Variants in MEIS1 observed in about 807,000 individuals in gnomAD.
MEIS1 encodes homeobox protein Meis1.
MEIS1 carries 5 observed loss-of-function variants against 50.8 expected under a neutral mutation model. The observed-to-expected ratio is 0.10, with a 90% CI of 0.05 to 0.21. The LOEUF (loss-of-function observed/expected upper bound fraction) is 0.21. Among genes scored for constraint, MEIS1 ranks in the 10% least tolerant of loss-of-function variants. The probability of loss-of-function intolerance (pLI) is 1.00; values close to 1 mark genes in which losing one functional copy is unlikely to be tolerated. For missense variants in MEIS1, 318 were observed against 517.3 expected, an observed-to-expected ratio of 0.61 and a Z score of 3.74; for synonymous variants, 176 against 179.3, an observed-to-expected ratio of 0.98 and a Z score of 0.15.
rs746453988 is a variant in MEIS1 at position 66,464,081 on chromosome 2, T to C, written c.631-28T>C. ...AATAAGGGTTCACAGATGCCTCTTA[T>C]TTGGGTTTCTGATTTGTGCCCCCAC... is the stretch of plus-strand genomic sequence containing the variant. On this transcript the variant is annotated intron_variant, in intron 6 of 12. Coordinates refer to ENST00000272369, the MANE Select transcript of MEIS1 (RefSeq NM_002398.3). The C allele has an allele frequency of 9.8e-6, 15 of 1,524,658 alleles. No individual in the cohort carries two copies. In the African/African-American group the frequency reaches 2.1e-4, roughly 21 times the overall value. 94.4% of individuals were successfully genotyped at this position (1,524,658 alleles called of 1,614,324 possible). A position where few individuals can be genotyped will look rare whatever the true frequency, so the allele number is the denominator to read the frequency against.
At chr2:66,435,955 T>C (rs1351116791) in intron 1 of MEIS1, 87 bp downstream of exon 1, 9 of 1,239,508 alleles carry the variant, frequency 7.3e-6, no homozygotes, top group Middle Eastern at 1.9e-4. Flanking sequence ...TTTCCTTTTT[T>C]TCTCTCTCTC....
At chr2:66,440,040 C>T (rs1374379388) in intron 3 of MEIS1, 56 bp downstream of exon 3, 3 of 1,516,834 alleles carry the variant, frequency 2.0e-6, no homozygotes, top group East Asian at 2.4e-5. Context: ...CCCCCCTTCG[C>T]CAACACACAC....
chr2:66,560,817 C>T (rs914500376), intron 9 of MEIS1, among the ~76,000 whole-genome samples: 4 of 152,104 alleles, frequency 2.6e-5, no homozygotes, highest in Non-Finnish European at 4.4e-5. Context: ...CCCCTCCTGT[C>T]TATTCTCCTC....
chr2:66,551,928 C>G (rs1002960839), intron 9 of MEIS1, among the ~76,000 whole-genome samples: 1 of 151,572 alleles, frequency 6.6e-6, no homozygotes. Context: ...GCAAACATTA[C>G]CAATATGCAA....
intron 7 of MEIS1, among the ~76,000 whole-genome samples, chr2:66,490,873 T>C (rs761634814): frequency 2.6e-5 from 4 of 152,200 alleles, no homozygotes; most frequent in Non-Finnish European, 4.4e-5. Context: ...ACTTTGCACA[T>C]GCTCACAAGT....
chr2:66,446,431 G>T (rs193047966), intron 6 of MEIS1, among the ~76,000 whole-genome samples: 305 of 152,312 alleles, frequency 2.0e-3, no homozygotes, highest in Non-Finnish European at 3.2e-3. Context: ...TAGGCCCCCA[G>T]GGCCGCCTCC....
intron 7 of MEIS1, among the ~76,000 whole-genome samples, chr2:66,499,653 G>C (rs1004109266): frequency 6.7e-6 from 1 of 148,222 alleles, no homozygotes. Context: ...GGAGGCTCTG[G>C]TCTGTCTAGC....
intron 8 of MEIS1, among the ~76,000 whole-genome samples, chr2:66,519,253 C>T (rs1674050999): frequency 6.6e-6 from 1 of 152,122 alleles, no homozygotes; most frequent in South Asian, 2.1e-4. Context: ...GGCCATGACC[C>T]AAGCTTACCT....
At chr2:66,438,899 C>T (rs1171800229) in intron 2 of MEIS1, among the ~76,000 whole-genome samples, 2 of 151,906 alleles carry the variant, frequency 1.3e-5, no homozygotes, top group East Asian at 3.9e-4. Flanking sequence ...TTGTTTAATT[C>T]CCACCGTTCT....
chr2:66,534,392 G>T (rs111966903), intron 8 of MEIS1, among the ~76,000 whole-genome samples: 7 of 152,050 alleles, frequency 4.6e-5, no homozygotes, highest in Non-Finnish European at 1.0e-4. Flanking sequence ...AAATTAGCTC[G>T]TCATGGTGGA....
At chr2:66,472,964 A>G (rs998751883) in intron 7 of MEIS1, among the ~76,000 whole-genome samples, 4 of 152,202 alleles carry the variant, frequency 2.6e-5, no homozygotes, top group African/African-American at 7.2e-5. Context: ...GGTGAAGCCA[A>G]TGGATACCTT....
chr2:66,529,039 C>T (rs1476682509), intron 8 of MEIS1, among the ~76,000 whole-genome samples: 7 of 152,152 alleles, frequency 4.6e-5, no homozygotes, highest in Non-Finnish European at 1.0e-4. Context: ...TCCATGACCC[C>T]TTCTCTACTT....
At chr2:66,559,756 AT>A (rs1386640666) in intron 9 of MEIS1, among the ~76,000 whole-genome samples, 1 of 152,148 alleles carries the variant, frequency 6.6e-6, no homozygotes, top group Non-Finnish European at 1.5e-5. Context: ...ACAAACTCAA[AT>A]TTGGCAAATT....
intron 6 of MEIS1, chr2:66,461,932 G>C (rs1169912208): frequency 1.1e-5 from 5 of 459,442 alleles, no homozygotes; most frequent in African/African-American, 2.0e-5. Context: ...CACTGCTGAA[G>C]ATTTAAGAAC....
In MEIS1 at chr2:66,450,957, G is replaced by A. The variant is rs1203273254; in HGVS notation, c.630+7909G>A. 3.9e-5 allele frequency among the ~76,000 whole-genome samples: 6 copies of A among 151,998 alleles called. No homozygotes were observed. The East Asian group carries it at 9.6e-4, about 24-fold the overall frequency. On this transcript the variant is annotated intron_variant, in intron 6 of 12. Coordinates refer to ENST00000272369, the MANE Select transcript of MEIS1 (RefSeq NM_002398.3). ...CCCTTTGGAAACCTTCTATGCCTGA[G>A]ATTTGAACTTGAGCTAGTTTGCTAG...
intron 7 of MEIS1, among the ~76,000 whole-genome samples, chr2:66,500,779 T>A (rs1416293736): frequency 6.6e-6 from 1 of 152,222 alleles, no homozygotes; most frequent in Non-Finnish European, 1.5e-5. Flanking sequence ...TAATTGAGTT[T>A]GTTGAAAAAG....
intron 7 of MEIS1, among the ~76,000 whole-genome samples, chr2:66,465,794 G>A (rs1021398177): frequency 1.3e-4 from 20 of 152,126 alleles, no homozygotes; most frequent in African/African-American, 4.8e-4. Flanking sequence ...CTCAAACATA[G>A]TATGATAAGA....
At chr2:66,473,609 G>A (rs941797094) in intron 7 of MEIS1, among the ~76,000 whole-genome samples, 1 of 151,838 alleles carries the variant, frequency 6.6e-6, no homozygotes, top group Admixed American at 6.6e-5. Context: ...TCTGTGGTTT[G>A]TTACTTACTT....
chr2:66,552,279 A>T (rs1456670558), intron 9 of MEIS1, among the ~76,000 whole-genome samples: 1 of 152,152 alleles, frequency 6.6e-6, no homozygotes, highest in Non-Finnish European at 1.5e-5. Context: ...CCTAGGGTGT[A>T]CTGAATACAT....
Sources: allele counts gnomAD v4.1 joint callset (sites outside exome capture counted in the v4.1 genomes callset), GRCh38; gene constraint gnomAD v4.1.1; transcripts MANE v1.5; gene names NCBI Gene and HGNC (gene_info 2026-07-23, HGNC 2026-07-21).